Variants in MUC4 observed in about 807,000 individuals in gnomAD.
The protein encoded by MUC4 is mucin 4, cell surface associated.
A neutral mutation model predicts 257.9 loss-of-function variants in MUC4; 202 were observed. The observed-to-expected ratio is 0.78, with a 90% CI of 0.70 to 0.88. MUC4 has a LOEUF of 0.88. Ranked by LOEUF, MUC4 falls within the 40% of genes least tolerant of loss-of-function variation. MUC4 has a pLI of 0.00. For missense variants in MUC4, 5,976 were observed against 6,513.7 expected (o/e 0.92, Z 2.84); for synonymous variants, 2,351 against 2,757.1 (o/e 0.85, Z 4.62).
At chr3:195,752,897 T>C (rs1716761417) in intron 20 of MUC4, among the ~76,000 whole-genome samples, 154 bp downstream of exon 20, 2 of 152,044 alleles carry the variant, frequency 1.3e-5, no homozygotes, top group African/African-American at 2.4e-5. Flanking sequence ...CCAGCTCCCA[T>C]AGCCCGCACC....
At chr3:195,764,251 GCA>G in intron 10 of MUC4, 87 bp from the exon 11 acceptor site, 2 of 1,088,996 alleles carry the variant, frequency 1.8e-6, no homozygotes, top group Non-Finnish European at 2.3e-6. Context: ...GCTTGGCAGG[GCA>G]GGGCGGTGTT....
In MUC4 at chr3:195,747,360, T is replaced by C. The variant is rs1577899299; in HGVS notation, c.16055A>G (p.Tyr5352Cys). 2 of 1,613,922 alleles carry C rather than the reference T, an allele frequency of 1.2e-6. No individual in the cohort carries two copies. Among genetic ancestry groups the C allele is most frequent in the East Asian group, 4.5e-5 (2 of 44,890 alleles). The change falls in exon 25 of 25, where the codon TAC becomes TGC. Residue 5352 changes from tyrosine to cysteine, a missense_variant. Around this residue, in one of 44 missense-constraint regions of MUC4, gnomAD observed 310 missense variants for 242.1 expected, o/e 1.28. Transcript: ENST00000463781. Reference sequence around the variant, plus strand: ...CTCACAGTGCTCGCCCCAGGCCGTGTAGATGGAGAAGGACACACAGCTGGT... The same window carrying C: ...CTCACAGTGCTCGCCCCAGGCCGTGCAGATGGAGAAGGACACACAGCTGGT... ...PRCSCVSFSI[Y>C]TAWGEHCEHL...
In MUC4 at chr3:195,790,217, G is replaced by T. The variant is rs754462374; in HGVS notation, c.1363C>A (p.Gln455Lys). ...CCTGTGGTCTCTGCACCTTCACTCT[G>T]CTGGGTGTGGAAAGCTGTGGATATT... The part of the protein sequence containing the change: ...PKISTAFHTQ[Q>K]SEGAETTGRP... Residue 455 changes from glutamine (Q) to lysine (K), a missense_variant, in exon 2 of 25, where the codon CAG (glutamine) becomes AAG (lysine). Physicochemically the swap from Gln to Lys is moderately conservative, Grantham distance 53. Coordinates refer to ENST00000463781, the MANE Select transcript of MUC4 (RefSeq NM_018406.7). The T allele has an allele frequency of 8.1e-5, 130 of 1,613,910 alleles. No homozygotes were observed. The highest frequency in any genetic ancestry group is 9.5e-5 in the Non-Finnish European group (112 of 1,179,898).
chr3:195,757,370 C>A lies in MUC4; in HGVS notation c.14987-42G>T. The A allele has an allele frequency of 1.9e-6, 3 of 1,555,014 alleles. No homozygotes were observed. The highest frequency in any genetic ancestry group is 2.6e-6 in the Non-Finnish European group (3 of 1,139,466). On this transcript the variant is annotated intron_variant, in intron 17 of 24. Coordinates refer to ENST00000463781, the MANE Select transcript of MUC4 (RefSeq NM_018406.7). The surrounding 1 kb of genome is among the most constrained non-coding windows in gnomAD (Gnocchi z 4.8). Reference sequence around the variant, plus strand: ...GAGAATGTTGAGAGCTGGGAGACTCCTCGGCTCTGTGGTCTGATTGCTGAT... The same window carrying A: ...GAGAATGTTGAGAGCTGGGAGACTCATCGGCTCTGTGGTCTGATTGCTGAT...
chr3:195,767,522 C>CCATCAT (rs1560261170), intron 7 of MUC4, among the ~76,000 whole-genome samples: 2 of 115,248 alleles, frequency 1.7e-5, no homozygotes, highest in African/African-American at 8.1e-5. Flanking sequence ...ACCATCACCA[C>CCATCAT]CACCATCGCC....
intron 5 of MUC4, 44 bp downstream of exon 5, chr3:195,771,608 C>T (rs972584815): frequency 6.9e-6 from 11 of 1,595,474 alleles, no homozygotes; most frequent in Non-Finnish European, 8.6e-6. Flanking sequence ...GTCTCCCCTG[C>T]CAGCTGCTGG....
At position 195,779,079 on chromosome 3, in the gene MUC4, G is replaced by C. The variant is rs374377441; in HGVS notation, c.12501C>G (p.Ser4167=). The part of the protein sequence containing the change: ...HTTSLPVTDA[S]SVSTGHGTPL... ...GGGTGCCGTGACCTGTGGACACTGAGGAAGCGTCGGTGACAGGAAGAGAGG... is the reference window on the plus strand; with the variant it reads ...GGGTGCCGTGACCTGTGGACACTGACGAAGCGTCGGTGACAGGAAGAGAGG... The change falls in exon 2 of 25, where the codon TCC becomes TCG. Residue 4167 remains serine (S), a synonymous_variant. Coordinates refer to ENST00000463781, the MANE Select transcript of MUC4 (RefSeq NM_018406.7). 9.9e-6 allele frequency: 13 copies of C among 1,310,136 alleles called. 1 individual carries two copies. The East Asian group carries it at 1.3e-4, about 13-fold the overall frequency. 81.2% of individuals were successfully genotyped at this position (1,310,136 alleles called of 1,614,324 possible).
At chr3:195,754,899 A>G (rs1342715659) in intron 18 of MUC4, among the ~76,000 whole-genome samples, 35 of 30,582 alleles carry the variant, frequency 1.1e-3, no homozygotes, top group African/African-American at 2.5e-3. Context: ...GTATCCATGT[A>G]TGTATGTGTG....
At chr3:195,751,348 G>A (rs990630388) in intron 21 of MUC4, 77 bp from the exon 22 acceptor site, 6 of 1,095,978 alleles carry the variant, frequency 5.5e-6, no homozygotes, top group African/African-American at 3.1e-5. Context: ...CTTGATGGGT[G>A]TATTCATCCC....
Position 195,790,162 on chromosome 3 carries a change from G to A in MUC4, c.1418C>T (p.Pro473Leu), listed in dbSNP as rs1259195687. The change falls in exon 2 of 25, where the codon CCA becomes CTA. Residue 473 changes from proline (P) to leucine (L), a missense_variant. Transcript: ENST00000463781. ...GRPHERSSFS[P>L]GVSQEIFTLH... ...AGTAAATATTTCTTGAGACACACCT[G>A]GAGAGAATGAGCTCCTCTCATGAGG... 1.9e-6 allele frequency: 3 copies of A among 1,614,040 alleles called. No homozygotes were observed. The highest frequency in any genetic ancestry group is 2.2e-5 in the East Asian group (1 of 44,890).
chr3:195,762,553 C>T (rs76115228), intron 13 of MUC4, among the ~76,000 whole-genome samples: 1 of 133,924 alleles, frequency 7.5e-6, no homozygotes, highest in African/African-American at 3.2e-5. Flanking sequence ...GCAACGCACC[C>T]GGCCCTGCAC....
intron 3 of MUC4, among the ~76,000 whole-genome samples, chr3:195,775,325 G>C (rs1056033109): frequency 4.9e-4 from 21 of 43,044 alleles, no homozygotes; most frequent in African/African-American, 9.2e-4. Context: ...AAATGCTTCG[G>C]GGATCCACCC....
At chr3:195,799,590 C>A (rs1288552660) in intron 1 of MUC4, among the ~76,000 whole-genome samples, 1 of 152,164 alleles carries the variant, frequency 6.6e-6, no homozygotes. Flanking sequence ...GCGTGAGCCA[C>A]CGCGCCCGGC....
intron 1 of MUC4, among the ~76,000 whole-genome samples, chr3:195,799,258 T>TGAGA (rs1176383046): frequency 1.3e-4 from 12 of 93,464 alleles, no homozygotes; most frequent in Non-Finnish European, 2.8e-4. Flanking sequence ...TGTGTGTGTG[T>TGAGA]GTGACACTGT....
intron 1 of MUC4, among the ~76,000 whole-genome samples, chr3:195,807,618 A>G (rs1736147562): frequency 6.6e-6 from 1 of 152,208 alleles, no homozygotes; most frequent in African/African-American, 2.4e-5. Flanking sequence ...GCCTAGCAGT[A>G]AGAAAGACGT....
chr3:195,754,220 G>A lies in MUC4; in HGVS notation c.15321C>T (p.His5107=), dbSNP rs556867017. The stretch of plus-strand genomic sequence containing the variant: ...GCCCTGTTCCCGGCTCACCCGCACA[G>A]TGCCGCCCATCCCCAGTCAGGTTTG... ...CPPNLTGDGR[H]CAALGSSFLC... Residue 5107 remains histidine, a synonymous_variant, in exon 19 of 25, where the codon CAC becomes CAT. Coordinates refer to ENST00000463781, the MANE Select transcript of MUC4 (RefSeq NM_018406.7). 8.1e-6 allele frequency: 13 copies of A among 1,613,322 alleles called. No individual in the cohort carries two copies. In the South Asian group the frequency reaches 1.4e-4, roughly 18 times the overall value.
chr3:195,761,099 C>T lies in MUC4; in HGVS notation c.14633G>A (p.Gly4878Asp), dbSNP rs185791226. The part of the protein sequence containing the change: ...FGMTWQINGT[G>D]LLGKRNDQLP... ...CTGGTCATTCCTCTTGCCAAGGAGG[C>T]CTGTCCCGTTGATCTGCCCTGTAAC... The change falls in exon 16 of 25, where the codon GGC (glycine) becomes GAC (aspartate). Residue 4878 changes from glycine to aspartate, a missense_variant. Transcript: ENST00000463781. The T allele has an allele frequency of 6.2e-7, 1 of 1,614,190 alleles. No homozygotes were observed. The highest frequency in any genetic ancestry group is 2.2e-5 in the East Asian group (1 of 44,884).
At position 195,768,828 on chromosome 3, in the gene MUC4, C is replaced by T. The variant is rs572459372; in HGVS notation, c.13529+194G>A. Among the ~76,000 whole-genome samples the T allele has an allele frequency of 1.1e-4, 16 of 152,170 alleles. 1 individual carries two copies. The highest frequency in any genetic ancestry group is 1.6e-4 in the Non-Finnish European group (11 of 68,026). ...GGGACTGGGATGGGAAAGGGCATGGCGGACAAATGGGTGATCTTGTCGTGG... is the reference window on the plus strand; with the variant it reads ...GGGACTGGGATGGGAAAGGGCATGGTGGACAAATGGGTGATCTTGTCGTGG... On this transcript the variant is annotated intron_variant, in intron 7 of 24. Coordinates refer to ENST00000463781, the MANE Select transcript of MUC4 (RefSeq NM_018406.7).
At position 195,778,365 on chromosome 3, in the gene MUC4, A is replaced by G. The variant is rs372339817; in HGVS notation, c.12881T>C (p.Ile4294Thr). The stretch of plus-strand genomic sequence containing the variant: ...GCGGGTGTGCATGGCAGTGCTGGGA[A>G]TGGTGGAAATGATGGTCTGGGAGGT... Reference protein sequence around the residue: ...PTTSQTIISTIPSTAMHTRST... With the variant: ...PTTSQTIISTTPSTAMHTRST... Residue 4294 changes from isoleucine to threonine, a missense_variant, in exon 3 of 25, where the codon ATT becomes ACT. Physicochemically the swap from Ile to Thr is moderately conservative, Grantham distance 89. This residue lies in a region of MUC4 where 233 missense variants were observed against 171.2 expected (regional missense o/e 1.36). Transcript: ENST00000463781. 4.8e-5 allele frequency: 78 copies of G among 1,612,882 alleles called. No individual in the cohort carries two copies. Among genetic ancestry groups the G allele is most frequent in the Non-Finnish European group, 6.4e-5 (76 of 1,179,854 alleles).
Sources: allele counts gnomAD v4.1 joint callset (sites outside exome capture counted in the v4.1 genomes callset), GRCh38; gene constraint gnomAD v4.1.1; regional missense constraint gnomAD v4.1.1; non-coding constraint Gnocchi (gnomAD v3.1); transcripts MANE v1.5; gene names NCBI Gene and HGNC (gene_info 2026-07-23, HGNC 2026-07-21).